The following PPP2R2B variants were observed in gnomAD, a reference collection of about 807,000 sequenced individuals.
PPP2R2B encodes the protein protein phosphatase 2 regulatory subunit Bbeta, also known as serine/threonine-protein phosphatase 2A 55 kDa regulatory subunit B beta isoform.
A neutral mutation model predicts 46.0 loss-of-function variants in PPP2R2B; 5 were observed. That is an observed-to-expected ratio of 0.11 (90% CI 0.06 to 0.23). The LOEUF is 0.23. Among genes scored for constraint, PPP2R2B ranks in the 10% least tolerant of loss-of-function variants. The probability of loss-of-function intolerance (pLI) is 1.00; values close to 1 mark genes in which losing one functional copy is unlikely to be tolerated. For missense variants in PPP2R2B, 367 were observed against 575.0 expected (o/e 0.64, Z 3.70); for synonymous variants, 215 against 206.7 (o/e 1.04, Z -0.34).
chr5:146,915,489 A>G (rs1327775905), intron 1 of PPP2R2B, among the ~76,000 whole-genome samples: 2 of 151,320 alleles, frequency 1.3e-5, no homozygotes, highest in East Asian at 1.9e-4. Flanking sequence ...CATGTGTGCA[A>G]TTTACATACC....
intron 5 of PPP2R2B, among the ~76,000 whole-genome samples, chr5:146,661,733 A>C (rs544910103): frequency 9.8e-5 from 15 of 152,292 alleles, no homozygotes; most frequent in African/African-American, 3.6e-4. Flanking sequence ...TTACCAACTC[A>C]TGCAGAAACC....
At chr5:146,932,365 T>C (rs562204796) in intron 1 of PPP2R2B, among the ~76,000 whole-genome samples, 178 of 152,290 alleles carry the variant, frequency 1.2e-3, no homozygotes, top group Admixed American at 2.0e-3. Context: ...AATCCCCACA[T>C]GTCGTGGGAG....
At chr5:146,746,807 T>A (rs904977089) in intron 2 of PPP2R2B, among the ~76,000 whole-genome samples, 3 of 152,228 alleles carry the variant, frequency 2.0e-5, no homozygotes, top group African/African-American at 7.2e-5. Context: ...TGAGTTTACA[T>A]GCATTTATCT....
At chr5:146,892,587 C>A (rs541279412) in intron 1 of PPP2R2B, among the ~76,000 whole-genome samples, 1 of 152,280 alleles carries the variant, frequency 6.6e-6, no homozygotes, top group African/African-American at 2.4e-5. Flanking sequence ...TTCCAAGCCA[C>A]GCTCCTCACT....
At chr5:147,018,007 T>C (rs184783387) in intron 1 of PPP2R2B, among the ~76,000 whole-genome samples, 50 of 150,724 alleles carry the variant, frequency 3.3e-4, no homozygotes, top group African/African-American at 1.2e-3. Flanking sequence ...CAGGCCCAGA[T>C]GAATTATAGT....
chr5:146,624,628 A>G (rs1773918256), intron 7 of PPP2R2B, among the ~76,000 whole-genome samples: 1 of 152,040 alleles, frequency 6.6e-6, no homozygotes, highest in South Asian at 2.1e-4. Context: ...TATTAAAAGT[A>G]TAATCAATCA....
chr5:147,035,326 C>A, intron 1 of PPP2R2B: 1 of 316,954 alleles, frequency 3.2e-6, no homozygotes. Context: ...AGAACTCTAT[C>A]ACGAGAACAG....
At chr5:146,881,877 G>A (rs541758916), upstream of PPP2R2B, among the ~76,000 whole-genome samples, 1 of 152,258 alleles carries the variant, frequency 6.6e-6, no homozygotes, top group East Asian at 1.9e-4. Context: ...ATAATCTGTT[G>A]TGAGCTGGAA....
chr5:147,040,905 AT>A, intron 1 of PPP2R2B: 1 of 391,766 alleles, frequency 2.6e-6, no homozygotes, highest in Non-Finnish European at 5.0e-6. Context: ...CTGAGGGCTT[AT>A]CAAGACACAA....
At chr5:146,772,682 A>G (rs1329819207) in intron 2 of PPP2R2B, among the ~76,000 whole-genome samples, 1 of 152,134 alleles carries the variant, frequency 6.6e-6, no homozygotes, top group Non-Finnish European at 1.5e-5. Flanking sequence ...GGCCACCACC[A>G]TAGAAGGATG....
intron 2 of PPP2R2B, among the ~76,000 whole-genome samples, chr5:146,856,257 T>A (rs1363742763): frequency 6.6e-6 from 1 of 152,220 alleles, no homozygotes; most frequent in Admixed American, 6.5e-5. Context: ...CATGTACATT[T>A]GGTCAAAATA....
At chr5:146,842,256 C>T (rs1759696834) in intron 2 of PPP2R2B, among the ~76,000 whole-genome samples, 1 of 152,168 alleles carries the variant, frequency 6.6e-6, no homozygotes, top group Non-Finnish European at 1.5e-5. Flanking sequence ...ATATGGCCTG[C>T]TGTACATTTA....
exon 1 of PPP2R2B, chr5:147,081,397 A>C: frequency 8.3e-7 from 1 of 1,204,238 alleles, no homozygotes; most frequent in Non-Finnish European, 1.2e-6. Flanking sequence ...GAGCAATTGG[A>C]GTTTGTCCCT....
At chr5:146,725,404 C>G (rs975347074) in intron 2 of PPP2R2B, among the ~76,000 whole-genome samples, 5 of 152,028 alleles carry the variant, frequency 3.3e-5, no homozygotes, top group African/African-American at 1.2e-4. Context: ...AAAAAAAATC[C>G]GTTTCAGAAA....
At chr5:146,682,515 C>T (rs1388572195) in intron 5 of PPP2R2B, among the ~76,000 whole-genome samples, 1 of 152,102 alleles carries the variant, frequency 6.6e-6, no homozygotes. Context: ...TATGGCTGTG[C>T]CACTTAGTAG....
chr5:146,772,522 A>T (rs1035824819), intron 2 of PPP2R2B, among the ~76,000 whole-genome samples: 11 of 151,360 alleles, frequency 7.3e-5, no homozygotes, highest in Non-Finnish European at 1.6e-4. Flanking sequence ...GGGGTCAAAG[A>T]GGGGATAACA....
Position 146,600,502 on chromosome 5 carries a change from A to T in PPP2R2B, c.791-42T>A, listed in dbSNP as rs763839213. 1.9e-6 allele frequency: 3 copies of T among 1,594,854 alleles called. No homozygotes were observed. In the African/African-American group the frequency reaches 4.0e-5, roughly 21 times the overall value. On this transcript the variant is annotated intron_variant, in intron 7 of 9. Coordinates refer to ENST00000394411, the MANE Select transcript of PPP2R2B (RefSeq NM_181675.4). ...AAACAAGACAAATTTAGCAATCCTT[A>T]TCAACTGACTCTAACATGTTTGGAC...
chr5:147,057,605 T>C (rs903640206), upstream of PPP2R2B, among the ~76,000 whole-genome samples: 1 of 152,206 alleles, frequency 6.6e-6, no homozygotes, highest in African/African-American at 2.4e-5. Flanking sequence ...GTTTTCCTCA[T>C]GTATTCTTGA....
chr5:146,924,686 C>A (rs190061171), intron 1 of PPP2R2B, among the ~76,000 whole-genome samples: 185 of 152,264 alleles, frequency 1.2e-3, no homozygotes, highest in South Asian at 7.9e-3. Context: ...ATTTGAAATA[C>A]TTTTTGAATA....
Sources: allele counts gnomAD v4.1 joint callset (sites outside exome capture counted in the v4.1 genomes callset), GRCh38; gene constraint gnomAD v4.1.1; transcripts MANE v1.5; gene names NCBI Gene and HGNC (gene_info 2026-07-23, HGNC 2026-07-21).